Variants in KIRREL3 observed in about 807,000 individuals in gnomAD.
KIRREL3 encodes the protein kirre like nephrin family adhesion molecule 3.
In KIRREL3, 36 loss-of-function variants were observed where a neutral mutation model predicts 89.7. That is an observed-to-expected ratio of 0.40 (90% CI 0.31 to 0.53). KIRREL3 has a LOEUF of 0.53. Ranked by LOEUF, KIRREL3 falls within the 20% of genes least tolerant of loss-of-function variation. The pLI, the probability that KIRREL3 is intolerant of heterozygous loss-of-function variation, is 0.49. For synonymous variants in KIRREL3, 445 were observed against 441.4 expected (o/e 1.01, Z -0.10); for missense variants, 864 against 1,056.6 (o/e 0.82, Z 2.53).
At chr11:126,728,127 C>T (rs1948464372) in intron 1 of KIRREL3, among the ~76,000 whole-genome samples, 1 of 152,036 alleles carries the variant, frequency 6.6e-6, no homozygotes, top group South Asian at 2.1e-4. Flanking sequence ...AAAGAGGCTG[C>T]AAGGTCACAG....
intron 1 of KIRREL3, among the ~76,000 whole-genome samples, chr11:126,779,676 T>C (rs558249099): frequency 7.3e-4 from 111 of 152,294 alleles, no homozygotes; most frequent in Non-Finnish European, 1.3e-3. Flanking sequence ...TAATAAATGC[T>C]TGTCACATAA....
At chr11:126,707,797 A>G (rs1291369123) in intron 1 of KIRREL3, among the ~76,000 whole-genome samples, 11 of 149,976 alleles carry the variant, frequency 7.3e-5, no homozygotes, top group African/African-American at 2.7e-4. Flanking sequence ...CCTTCCCATA[A>G]TAGCTCTTAA....
chr11:126,972,168 T>TAG (rs61426707), intron 1 of KIRREL3, among the ~76,000 whole-genome samples: 11,244 of 119,838 alleles, frequency 0.094, 663 homozygotes, highest in Middle Eastern at 0.16. Flanking sequence ...GAGGGTCTGG[T>TAG]AGAGAGAGAG....
rs866811064 is a variant in KIRREL3, at chr11:126,876,094, G to A, written c.55+124361C>T. Reference sequence around the variant, plus strand: ...GAGGTGACCTATTGTTGGAAATAATGACTTCAAAGGGCAGCCGTCTTCTAC... The same window carrying A: ...GAGGTGACCTATTGTTGGAAATAATAACTTCAAAGGGCAGCCGTCTTCTAC... On this transcript the variant is annotated intron_variant, in intron 1 of 16. Transcript: ENST00000525144. This position sits in a 1 kb window ranked among gnomAD's most constrained non-coding sequence, Gnocchi z 4.1. 6.6e-6 allele frequency among the ~76,000 whole-genome samples: 1 copy of A among 152,164 alleles called. No homozygotes were observed. The highest frequency in any genetic ancestry group is 2.1e-4 in the South Asian group (1 of 4,820).
chr11:126,559,358 C>T (rs959017454), intron 2 of KIRREL3, among the ~76,000 whole-genome samples: 6 of 152,282 alleles, frequency 3.9e-5, no homozygotes, highest in African/African-American at 4.8e-5. Context: ...GAAAGTTGAG[C>T]GACTACTCCC....
rs1164298290 is a variant in KIRREL3 at position 126,656,698 on chromosome 11, C to T, written c.56-93786G>A. ...GCATAATTTCTCCGTATCTTTAGCA[C>T]AGTTTGGTGATGACTTTTAAGCTTT... On this transcript the variant is annotated intron_variant, in intron 1 of 16. Coordinates refer to ENST00000525144, the MANE Select transcript of KIRREL3 (RefSeq NM_032531.4). This position sits in a 1 kb window ranked among gnomAD's most constrained non-coding sequence, Gnocchi z 4.0. 6.6e-6 allele frequency among the ~76,000 whole-genome samples: 1 copy of T among 152,204 alleles called. No individual in the cohort carries two copies. The highest frequency in any genetic ancestry group is 1.5e-5 in the Non-Finnish European group (1 of 68,036).
At chr11:126,499,242 C>T (rs1055192114) in intron 4 of KIRREL3, among the ~76,000 whole-genome samples, 5 of 151,750 alleles carry the variant, frequency 3.3e-5, no homozygotes, top group African/African-American at 7.3e-5. Flanking sequence ...AAAGGCTTTA[C>T]CTAGGAGTCC....
At position 126,710,261 on chromosome 11, in the gene KIRREL3, G is replaced by C. The variant is rs187304050; in HGVS notation, c.56-147349C>G. On this transcript the variant is annotated intron_variant, in intron 1 of 16. Transcript: ENST00000525144. The surrounding 1 kb of genome is among the most constrained non-coding windows in gnomAD (Gnocchi z 4.2). ...TCGGAGCAGTGCCTTGTCTTAGGGGGGCATGTTCACTGAACTCATGAGGTC... is the reference window on the plus strand; with the variant it reads ...TCGGAGCAGTGCCTTGTCTTAGGGGCGCATGTTCACTGAACTCATGAGGTC... Among the ~76,000 whole-genome samples the C allele has an allele frequency of 6.6e-6, 1 of 152,250 alleles. No individual in the cohort carries two copies. Among genetic ancestry groups the C allele is most frequent in the Admixed American group, 6.5e-5 (1 of 15,296 alleles).
chr11:126,842,726 G>T (rs1251613391), intron 1 of KIRREL3, among the ~76,000 whole-genome samples: 1 of 152,160 alleles, frequency 6.6e-6, no homozygotes, highest in African/African-American at 2.4e-5. Context: ...ACAATTAGGG[G>T]CTGTAATGGG....
At position 126,891,993 on chromosome 11, in the gene KIRREL3, C is replaced by G. The variant is rs1006051320; in HGVS notation, c.55+108462G>C. Among the ~76,000 whole-genome samples the G allele has an allele frequency of 2.1e-4, 32 of 152,162 alleles. No homozygotes were observed. The highest frequency in any genetic ancestry group is 7.5e-4 in the African/African-American group (31 of 41,424). ...CACTGCCAGCATTGGGAATGGTTGG[C>G]TCCCTTCCCCTTCCTTCCATGCCCA... On this transcript the variant is annotated intron_variant, in intron 1 of 16. Coordinates refer to ENST00000525144, the MANE Select transcript of KIRREL3 (RefSeq NM_032531.4). The surrounding 1 kb of genome is among the most constrained non-coding windows in gnomAD (Gnocchi z 5.1).
chr11:126,424,666 C>G lies in KIRREL3; in HGVS notation c.2251G>C (p.Ala751Pro). 2 of 1,614,064 alleles carry G rather than the reference C, an allele frequency of 1.2e-6. No homozygotes were observed. Among genetic ancestry groups the G allele is most frequent in the Non-Finnish European group, 1.7e-6 (2 of 1,179,904 alleles). The change falls in exon 17 of 17, where the codon GCT (alanine) becomes CCT (proline). Residue 751 changes from alanine to proline, a missense_variant. Ala to Pro is a conservative substitution (Grantham distance 27, BLOSUM62 -1). Transcript: ENST00000525144. ...GACTGGGAGTGGTGGGAGGAGGAAG[C>G]AGAAGCCTTGCTGGCCTTGTCGAAC... Reference protein sequence around the residue: ...VQFDKASKASASSSHHSQSSS... With the variant: ...VQFDKASKASPSSSHHSQSSS...
intron 1 of KIRREL3, among the ~76,000 whole-genome samples, chr11:126,800,946 T>G (rs917963728): frequency 6.6e-6 from 1 of 152,016 alleles, no homozygotes; most frequent in Non-Finnish European, 1.5e-5. Context: ...CTGTTGGAGG[T>G]TGGTGAGGGA....
Position 126,994,770 on chromosome 11 carries a change from T to C in KIRREL3, c.55+5685A>G, listed in dbSNP as rs1400861696. ...TGGGGGAGAAGATCCCCCACCCTCT[T>C]GTGACCCTTGGCTCTATGGCACAGT... is the stretch of plus-strand genomic sequence containing the variant. On this transcript the variant is annotated intron_variant, in intron 1 of 16. Transcript: ENST00000525144. The surrounding 1 kb of genome is among the most constrained non-coding windows in gnomAD (Gnocchi z 5.2). 1.3e-5 allele frequency among the ~76,000 whole-genome samples: 2 copies of C among 152,164 alleles called. No individual in the cohort carries two copies. Among genetic ancestry groups the C allele is most frequent in the Non-Finnish European group, 2.9e-5 (2 of 68,030 alleles).
rs995447042 is a variant in KIRREL3, at chr11:126,946,121, A to C, written c.55+54334T>G. Among the ~76,000 whole-genome samples, 1 of 152,176 alleles carries C rather than the reference A, an allele frequency of 6.6e-6. No individual in the cohort carries two copies. Among genetic ancestry groups the C allele is most frequent in the Non-Finnish European group, 1.5e-5 (1 of 68,034 alleles). ...GAATGGCTGAGATTTCTGAGCTGGAACCCAGCACCCTAGAACTAAGGCTCA... is the reference window on the plus strand; with the variant it reads ...GAATGGCTGAGATTTCTGAGCTGGACCCCAGCACCCTAGAACTAAGGCTCA... On this transcript the variant is annotated intron_variant, in intron 1 of 16. Transcript: ENST00000525144. The surrounding 1 kb of genome is among the most constrained non-coding windows in gnomAD (Gnocchi z 4.1).
In KIRREL3 at chr11:126,890,217, G is replaced by C. The variant is rs1945857591; in HGVS notation, c.55+110238C>G. On this transcript the variant is annotated intron_variant, in intron 1 of 16. Transcript: ENST00000525144. This position sits in a 1 kb window ranked among gnomAD's most constrained non-coding sequence, Gnocchi z 5.1. ...GGAGGAGAATGGTTTCTGGCTCCCG[G>C]CAGGTTCATGAAAGAGAAAGGGTCT... Among the ~76,000 whole-genome samples the C allele has an allele frequency of 6.6e-6, 1 of 152,178 alleles. No homozygotes were observed. The highest frequency in any genetic ancestry group is 6.5e-5 in the Admixed American group (1 of 15,280).
chr11:126,617,402 G>A (rs1050015253), intron 1 of KIRREL3, among the ~76,000 whole-genome samples: 10 of 152,194 alleles, frequency 6.6e-5, no homozygotes, highest in African/African-American at 2.2e-4. Context: ...TGGGTAAACT[G>A]ATAATTGGAA....
At chr11:126,895,565 C>T (rs2134800302) in intron 1 of KIRREL3, among the ~76,000 whole-genome samples, 1 of 151,966 alleles carries the variant, frequency 6.6e-6, no homozygotes, top group East Asian at 1.9e-4. Context: ...TGCTCTGGGA[C>T]AAGCCTTTGG....
rs1202530582 is a variant in KIRREL3 at position 126,666,186 on chromosome 11, G to C, written c.56-103274C>G. On this transcript the variant is annotated intron_variant, in intron 1 of 16. Coordinates refer to ENST00000525144, the MANE Select transcript of KIRREL3 (RefSeq NM_032531.4). The surrounding 1 kb of genome is among the most constrained non-coding windows in gnomAD (Gnocchi z 4.2). ...GTGCAGCAGGATCTTGGTTCCGCAG[G>C]AAGAGTGTGGATTCTTGGAATGCAA... Among the ~76,000 whole-genome samples the C allele has an allele frequency of 6.6e-6, 1 of 152,186 alleles. No homozygotes were observed. The highest frequency in any genetic ancestry group is 1.5e-5 in the Non-Finnish European group (1 of 68,038).
intron 1 of KIRREL3, among the ~76,000 whole-genome samples, chr11:126,781,718 G>T (rs755588934): frequency 6.6e-6 from 1 of 152,102 alleles, no homozygotes; most frequent in African/African-American, 2.4e-5. Flanking sequence ...CATGCATCAC[G>T]CAAGGACACC....
Sources: gnomAD v4.1 joint callset for allele counts (sites outside exome capture counted in the v4.1 genomes callset) on GRCh38, gnomAD v4.1.1 for gene constraint, Gnocchi (gnomAD v3.1) non-coding constraint, MANE v1.5 for transcripts, NCBI Gene and HGNC (gene_info 2026-07-23, HGNC 2026-07-21) for gene names.